The following PDE4DIP variants were observed in gnomAD, a reference collection of about 807,000 sequenced individuals.
PDE4DIP encodes myomegalin.
In PDE4DIP, 59 loss-of-function variants were observed where a neutral mutation model predicts 221.4. The ratio of observed to expected loss-of-function variants is 0.27; its 90% CI spans 0.22 to 0.33. PDE4DIP has a LOEUF of 0.33. Ranked by LOEUF, PDE4DIP falls within the 10% of genes least tolerant of loss-of-function variation. The pLI, the probability that PDE4DIP is intolerant of heterozygous loss-of-function variation, is 1.00. For missense variants in PDE4DIP, 1,036 were observed against 2,154.2 expected (o/e 0.48, Z 10.28); for synonymous variants, 404 against 815.9 (o/e 0.50, Z 8.60).
intron 5 of PDE4DIP, among the ~76,000 whole-genome samples, chr1:148,951,111 T>C (rs1462986579): frequency 1.3e-5 from 2 of 152,034 alleles, no homozygotes; most frequent in African/African-American, 4.8e-5. Context: ...CTCTCAGAGA[T>C]GGCATTTGGA....
In PDE4DIP at chr1:148,968,972, A is replaced by G. The variant is rs200119015; in HGVS notation, c.1922A>G (p.His641Arg). ...GATCGAAATAAACAAGTGCTGGAAC[A>G]TGAAATGGAGATTCAAGGCCTGCTT... Residue 641 changes from histidine to arginine, a missense_variant, in exon 14 of 44, where the codon CAT (histidine) becomes CGT (arginine). By Grantham distance (29) the His-to-Arg change is conservative. Transcript: ENST00000369354. The G allele has an allele frequency of 3.1e-6, 5 of 1,611,812 alleles. No individual in the cohort carries two copies. In the Admixed American group the frequency reaches 8.3e-5, roughly 27 times the overall value.
intron 33 of PDE4DIP, among the ~76,000 whole-genome samples, chr1:149,016,893 A>G (rs1553611852): frequency 6.6e-6 from 1 of 152,296 alleles, no homozygotes. Flanking sequence ...TCCATCAGTC[A>G]GGACTTGTCA....
chr1:148,966,231 TTAA>T, intron 10 of PDE4DIP, among the ~76,000 whole-genome samples: 1 of 112,796 alleles, frequency 8.9e-6, no homozygotes, highest in Admixed American at 8.3e-5. Context: ...TCCTAGTCCT[TTAA>T]TTAAGACTCA....
At chr1:148,949,087 A>G (rs1268644147) in intron 5 of PDE4DIP, among the ~76,000 whole-genome samples, 1 of 152,220 alleles carries the variant, frequency 6.6e-6, no homozygotes, top group African/African-American at 2.4e-5. Flanking sequence ...ATCGCTGGCT[A>G]GTACTGTATT....
chr1:149,028,893 G>A (rs1438900264), intron 41 of PDE4DIP, among the ~76,000 whole-genome samples, 190 bp downstream of exon 44: 2 of 152,012 alleles, frequency 1.3e-5, no homozygotes, highest in African/African-American at 4.8e-5. Context: ...TTACAGCTCT[G>A]AATATATCCC....
At chr1:149,001,658 G>A (rs781911914) in exon 24 of PDE4DIP, 8 of 1,613,836 alleles carry the variant, frequency 5.0e-6, no homozygotes, top group South Asian at 2.2e-5. Context: ...AGCAATGTCT[G>A]ATGGATGGGA....
At chr1:148,901,751 T>C (rs1371130866) in intron 1 of PDE4DIP, among the ~76,000 whole-genome samples, 1 of 93,278 alleles carries the variant, frequency 1.1e-5, no homozygotes, top group Admixed American at 1.2e-4. Flanking sequence ...GTCAAGGGCC[T>C]GAAGTCAGCC....
intron 2 of PDE4DIP, among the ~76,000 whole-genome samples, chr1:148,868,016 G>A (rs1687624350): frequency 1.3e-5 from 2 of 150,236 alleles, no homozygotes; most frequent in South Asian, 2.1e-4. Flanking sequence ...GTCAGCTGGG[G>A]CATCTTCACT....
In PDE4DIP at chr1:149,009,714, T is replaced by C. The variant is rs782068311; in HGVS notation, c.4850T>C (p.Leu1617Pro). Residue 1617 changes from leucine (L) to proline (P), a missense_variant, in exon 30 of 44, where the codon CTG becomes CCG. Leu to Pro is a moderately conservative substitution (Grantham distance 98). Transcript: ENST00000369354. ...AGCACCTCTTTCCTGTCTGATGAAC[T>C]GGAAGCCTGCTCTGACATGGACATA... is the stretch of plus-strand genomic sequence containing the variant. 5 of 1,613,794 alleles carry C rather than the reference T, an allele frequency of 3.1e-6. No homozygotes were observed. The African/African-American group carries it at 6.7e-5, about 22-fold the overall frequency.
Position 149,021,585 on chromosome 1 carries a change from G to A in PDE4DIP, c.6085+432G>A, listed in dbSNP as rs587684885. 7.2e-5 allele frequency: 11 copies of A among 152,918 alleles called. No homozygotes were observed. The East Asian group carries it at 2.1e-3, about 29-fold the overall frequency. 9.5% of individuals were successfully genotyped at this position (152,918 alleles called of 1,614,324 possible). On this transcript the variant is annotated intron_variant, in intron 37 of 43. Transcript: ENST00000369354. Reference sequence around the variant, plus strand: ...GGCGCTCAGCTTATTGCCCTCTCATGTAATTTTCATAAATCCTGATTTAGT... The same window carrying A: ...GGCGCTCAGCTTATTGCCCTCTCATATAATTTTCATAAATCCTGATTTAGT...
chr1:148,971,037 C>A (rs1342970333), intron 14 of PDE4DIP, among the ~76,000 whole-genome samples: 68 of 151,694 alleles, frequency 4.5e-4, no homozygotes, highest in African/African-American at 1.6e-3. Context: ...TTTATTATTT[C>A]CAGATTTTCT....
chr1:148,977,573 G>A (rs1261422361), intron 17 of PDE4DIP, among the ~76,000 whole-genome samples: 42 of 149,078 alleles, frequency 2.8e-4, no homozygotes, highest in Non-Finnish European at 6.1e-4. Flanking sequence ...GCAAAATGGA[G>A]ATATCCTAAT....
In PDE4DIP at chr1:148,877,267, A is replaced by G. The variant is rs1325491172; in HGVS notation, c.441+8645A>G. On this transcript the variant is annotated intron_variant, in intron 3 of 45. Transcript: ENST00000524974. ...TAAGATCTCATTTTTGAGGGAGAAA[A>G]GATGGAAATGTCTGGAAGGATACAT... 1.3e-5 allele frequency among the ~76,000 whole-genome samples: 2 copies of G among 149,390 alleles called. 1 individual carries two copies. Among genetic ancestry groups the G allele is most frequent in the Non-Finnish European group, 2.9e-5 (2 of 67,842 alleles).
At chr1:149,013,024 G>A (rs2069105341) in intron 32 of PDE4DIP, among the ~76,000 whole-genome samples, 2 of 152,156 alleles carry the variant, frequency 1.3e-5, no homozygotes, top group South Asian at 4.2e-4. Context: ...TCACACTGTA[G>A]ACAGTGTTGG....
intron 5 of PDE4DIP, among the ~76,000 whole-genome samples, chr1:148,958,897 C>T (rs1198037273): frequency 6.6e-6 from 1 of 151,952 alleles, no homozygotes; most frequent in African/African-American, 2.4e-5. Flanking sequence ...CTATTCTAGC[C>T]ACAGAGGCCT....
At chr1:148,887,555 GC>G (rs1553431918), upstream of PDE4DIP, among the ~76,000 whole-genome samples, 1 of 68,128 alleles carries the variant, frequency 1.5e-5, no homozygotes, top group African/African-American at 5.2e-5. Flanking sequence ...GGCAGAGGTT[GC>G]AGTGAGTTGA....
At chr1:148,947,542 G>A (rs140705387) in intron 5 of PDE4DIP, among the ~76,000 whole-genome samples, 1,756 of 150,652 alleles carry the variant, frequency 0.012, 19 homozygotes, top group Middle Eastern at 0.017. Context: ...TAATACAACT[G>A]GTTTGGGACA....
chr1:148,936,706 T>A (rs1320783808), intron 4 of PDE4DIP, among the ~76,000 whole-genome samples: 6 of 152,246 alleles, frequency 3.9e-5, no homozygotes, highest in Non-Finnish European at 7.3e-5. Context: ...TGTTTTTAAA[T>A]TTTTAATTTT....
At chr1:148,907,125 G>A (rs1553451139) in intron 1 of PDE4DIP, among the ~76,000 whole-genome samples, 3 of 120,638 alleles carry the variant, frequency 2.5e-5, no homozygotes, top group South Asian at 5.5e-4. Context: ...TGCATGAAAT[G>A]TCTTTTTCCA....
Sources: gnomAD v4.1 joint callset for allele counts (sites outside exome capture counted in the v4.1 genomes callset) on GRCh38, gnomAD v4.1.1 for gene constraint, MANE v1.5 for transcripts, NCBI Gene and HGNC (gene_info 2026-07-23, HGNC 2026-07-21) for gene names.